Variants in ITGA9 observed in about 807,000 individuals in gnomAD.
ITGA9 encodes integrin subunit alpha 9, also known as integrin alpha-9.
Under a neutral mutation model 127.8 loss-of-function variants are expected in ITGA9, and 56 were observed. The ratio of observed to expected loss-of-function variants is 0.44; its 90% CI spans 0.35 to 0.55. The LOEUF (loss-of-function observed/expected upper bound fraction) is 0.55, where lower values mean the gene tolerates loss of function less well. ITGA9 is among the 20% of genes least tolerant of loss of function. ITGA9 has a pLI of 0.00. For synonymous variants in ITGA9, 508 were observed against 514.5 expected (o/e 0.99, Z 0.17); for missense variants, 1,196 against 1,347.1 (o/e 0.89, Z 1.76).
At chr3:37,683,631 G>T (rs1351146328) in intron 17 of ITGA9, among the ~76,000 whole-genome samples, 2 of 152,168 alleles carry the variant, frequency 1.3e-5, no homozygotes, top group African/African-American at 4.8e-5. Flanking sequence ...AAGATTTCAT[G>T]TGAGCCTCTA....
At chr3:37,769,805 G>A (rs987858201) in intron 23 of ITGA9, among the ~76,000 whole-genome samples, 1 of 152,208 alleles carries the variant, frequency 6.6e-6, no homozygotes, top group Non-Finnish European at 1.5e-5. Context: ...CTGGTGGAGG[G>A]AGAAATTTGT....
At chr3:37,745,212 A>G (rs969368251) in intron 22 of ITGA9, among the ~76,000 whole-genome samples, 6 of 152,212 alleles carry the variant, frequency 3.9e-5, no homozygotes, top group African/African-American at 1.4e-4. Flanking sequence ...CTGACAAACA[A>G]TGGTCTTCCT....
intron 18 of ITGA9, among the ~76,000 whole-genome samples, chr3:37,697,384 G>C (rs1410513395): frequency 6.6e-6 from 1 of 150,978 alleles, no homozygotes; most frequent in Non-Finnish European, 1.5e-5. Context: ...TGTGCACAAC[G>C]TGCAGGTTTG....
At chr3:37,570,107 T>C (rs1316751517) in intron 15 of ITGA9, among the ~76,000 whole-genome samples, 1 of 152,264 alleles carries the variant, frequency 6.6e-6, no homozygotes, top group Non-Finnish European at 1.5e-5. Context: ...CCAAAGCAGC[T>C]GCCTTGATCC....
At chr3:37,546,309 A>C (rs1335369924) in intron 15 of ITGA9, among the ~76,000 whole-genome samples, 1 of 152,214 alleles carries the variant, frequency 6.6e-6, no homozygotes, top group Non-Finnish European at 1.5e-5. Context: ...GCTTAAAGAC[A>C]TACTAGCACC....
At chr3:37,640,681 G>T (rs1232429334) in intron 16 of ITGA9, among the ~76,000 whole-genome samples, 4 of 152,170 alleles carry the variant, frequency 2.6e-5, no homozygotes, top group Non-Finnish European at 5.9e-5. Context: ...GAAAATAATA[G>T]ACACACAATA....
chr3:37,549,588 C>G (rs1699360548), intron 15 of ITGA9, among the ~76,000 whole-genome samples: 1 of 152,156 alleles, frequency 6.6e-6, no homozygotes, highest in South Asian at 2.1e-4. Context: ...CACTGGTATT[C>G]TTTGAAGTCA....
At chr3:37,513,649 A>G (rs1698956074) in intron 8 of ITGA9, 114 bp from the exon 9 acceptor site, 5 of 1,257,156 alleles carry the variant, frequency 4.0e-6, no homozygotes, top group Non-Finnish European at 5.6e-6. Context: ...ATGTGTTCTC[A>G]TTGTTCAATT....
chr3:37,721,742 G>A (rs114462136), intron 18 of ITGA9, among the ~76,000 whole-genome samples: 131 of 152,226 alleles, frequency 8.6e-4, no homozygotes, highest in African/African-American at 3.1e-3. Context: ...TGGCATCTGC[G>A]CTGGAGTCAC....
Position 37,597,157 on chromosome 3 carries a change from C to T in ITGA9, c.1690-32030C>T, listed in dbSNP as rs1037128348. On this transcript the variant is annotated intron_variant, in intron 15 of 27. Transcript: ENST00000264741. The surrounding 1 kb of genome is among the most constrained non-coding windows in gnomAD (Gnocchi z 4.6). ...TGAAATTTGGAGTTTTTCACTAATA[C>T]GCAGGACTGGTCATTTTGATACTGA... Among the ~76,000 whole-genome samples the T allele has an allele frequency of 3.3e-5, 5 of 152,134 alleles. No homozygotes were observed. Among genetic ancestry groups the T allele is most frequent in the East Asian group, 1.9e-4 (1 of 5,196 alleles).
At chr3:37,458,839 C>A (rs1698287282) in intron 1 of ITGA9, among the ~76,000 whole-genome samples, 1 of 152,232 alleles carries the variant, frequency 6.6e-6, no homozygotes, top group Non-Finnish European at 1.5e-5. Flanking sequence ...CAAGGTGCCT[C>A]TTTCTGATGT....
intron 9 of ITGA9, among the ~76,000 whole-genome samples, chr3:37,516,758 C>A (rs1698987645): frequency 6.6e-6 from 1 of 152,198 alleles, no homozygotes; most frequent in Non-Finnish European, 1.5e-5. Context: ...ATGCATACAT[C>A]TTCTCATGTC....
At chr3:37,757,663 CA>C (rs543823504) in intron 23 of ITGA9, among the ~76,000 whole-genome samples, 5 of 150,950 alleles carry the variant, frequency 3.3e-5, no homozygotes, top group Admixed American at 2.6e-4. Flanking sequence ...AAAAACAAAA[CA>C]AAAAAATCTT....
At chr3:37,778,231 A>T (rs898253300) in intron 24 of ITGA9, among the ~76,000 whole-genome samples, 3 of 152,192 alleles carry the variant, frequency 2.0e-5, no homozygotes, top group African/African-American at 7.2e-5. Context: ...AGGAATGTGG[A>T]TGGGATGGGG....
intron 5 of ITGA9, among the ~76,000 whole-genome samples, chr3:37,502,318 GA>G (rs1423111206): frequency 1.3e-5 from 2 of 150,150 alleles, no homozygotes; most frequent in African/African-American, 4.9e-5. Context: ...GGGTTCAAGC[GA>G]TTTTCCTGCC....
At chr3:37,655,376 A>G (rs1405632398) in intron 17 of ITGA9, among the ~76,000 whole-genome samples, 1 of 152,170 alleles carries the variant, frequency 6.6e-6, no homozygotes, top group Non-Finnish European at 1.5e-5. Flanking sequence ...TGACTTTTTA[A>G]TGATTGCCAT....
Position 37,823,477 on chromosome 3 carries a change from C to T in ITGA9, c.*4488C>T, listed in dbSNP as rs1326048085. On this transcript the variant is annotated 3_prime_UTR_variant, in exon 28 of 28. Transcript: ENST00000264741. ...GAAATGTCAGGTTTACAAAAACATACATGTTTGGAATAAAAAATGGCTGCA... is the reference window on the plus strand; with the variant it reads ...GAAATGTCAGGTTTACAAAAACATATATGTTTGGAATAAAAAATGGCTGCA... 2 of 152,148 alleles carry T rather than the reference C, an allele frequency of 1.3e-5. No individual in the cohort carries two copies. Among genetic ancestry groups the T allele is most frequent in the Non-Finnish European group, 2.9e-5 (2 of 68,028 alleles). The allele number at this position is 152,148 out of a possible 1,614,324, so 9.4% of individuals were successfully genotyped here.
chr3:37,761,148 A>G (rs1696718812), intron 23 of ITGA9, among the ~76,000 whole-genome samples: 1 of 152,242 alleles, frequency 6.6e-6, no homozygotes, highest in South Asian at 2.1e-4. Context: ...CTCACTGGTA[A>G]TCAGAGCAAT....
intron 15 of ITGA9, among the ~76,000 whole-genome samples, chr3:37,587,513 C>G (rs185045201): frequency 1.3e-5 from 2 of 152,144 alleles, no homozygotes; most frequent in African/African-American, 4.8e-5. Flanking sequence ...TTCAAAAAAC[C>G]AAACCAAGAA....
Sources: gnomAD v4.1 joint callset for allele counts (sites outside exome capture counted in the v4.1 genomes callset) on GRCh38, gnomAD v4.1.1 for gene constraint, Gnocchi (gnomAD v3.1) non-coding constraint, MANE v1.5 for transcripts, NCBI Gene and HGNC (gene_info 2026-07-23, HGNC 2026-07-21) for gene names.